Variants in ACOT12 observed in about 807,000 individuals in gnomAD.
ACOT12 encodes the protein acyl-CoA thioesterase 12.
In ACOT12, 51 loss-of-function variants were observed where a neutral mutation model predicts 67.7. The ratio of observed to expected loss-of-function variants is 0.75; its 90% CI spans 0.60 to 0.95. The LOEUF is 0.95. Ranked by LOEUF, ACOT12 falls within the 40% of genes least tolerant of loss-of-function variation. ACOT12 has a pLI of 0.00. For synonymous variants in ACOT12, 251 were observed against 244.6 expected (o/e 1.03, Z -0.24); for missense variants, 734 against 708.1 (o/e 1.04, Z -0.41).
chr5:81,358,323 C>T (rs1759787740), intron 5 of ACOT12, among the ~76,000 whole-genome samples: 2 of 152,138 alleles, frequency 1.3e-5, no homozygotes, highest in South Asian at 2.1e-4. Context: ...CATTTCATTT[C>T]TTCCTTGGGA....
At chr5:81,320,445 G>A in the ACOT12 span, among the ~76,000 whole-genome samples, 1 of 152,184 alleles carries the variant, frequency 6.6e-6, no homozygotes, top group Non-Finnish European at 1.5e-5. Flanking sequence ...TCTCCACTTT[G>A]GCATTGGGTG....
intron 3 of ACOT12, among the ~76,000 whole-genome samples, chr5:81,370,594 A>C (rs970847829): frequency 6.6e-6 from 1 of 152,232 alleles, no homozygotes; most frequent in Non-Finnish European, 1.5e-5. Context: ...CGGGTGATGC[A>C]GTGGAAGCCA....
intron 2 of ACOT12, among the ~76,000 whole-genome samples, chr5:81,380,884 T>G (rs1157581484): frequency 6.6e-6 from 1 of 152,080 alleles, no homozygotes; most frequent in Non-Finnish European, 1.5e-5. Context: ...CCCACACTAA[T>G]CTAGATGGTA....
At chr5:81,361,788 G>A (rs1759917170) in intron 4 of ACOT12, among the ~76,000 whole-genome samples, 1 of 152,204 alleles carries the variant, frequency 6.6e-6, no homozygotes, top group South Asian at 2.1e-4. Flanking sequence ...AGTCTTGCAA[G>A]TCCCTTCAAT....
At position 81,343,880 on chromosome 5, in the gene ACOT12, T is replaced by G; in HGVS notation, c.982A>C (p.Lys328Gln). ...TCTTCTTTGTGGGAAATAACATATT[T>G]TCTGGAAAAAAAAATTAAAGTGTTA... ...IARKRIRLGRKYVISHKEEVP... is the reference protein window; with the variant it reads ...IARKRIRLGRQYVISHKEEVP... The change falls in exon 10 of 15, where the codon AAA becomes CAA. Residue 328 changes from lysine to glutamine, a missense_variant and splice_region_variant. By Grantham distance (53) the Lys-to-Gln change is moderately conservative. Coordinates refer to ENST00000307624, the MANE Select transcript of ACOT12 (RefSeq NM_130767.3). 6.2e-7 allele frequency: 1 copy of G among 1,612,398 alleles called. No homozygotes were observed. The highest frequency in any genetic ancestry group is 8.5e-7 in the Non-Finnish European group (1 of 1,179,474).
chr5:81,385,444 G>C (rs1283643913), intron 2 of ACOT12, among the ~76,000 whole-genome samples: 1 of 152,130 alleles, frequency 6.6e-6, no homozygotes, highest in Non-Finnish European at 1.5e-5. Context: ...TCCAGTCTGG[G>C]CAGCAGAGTG....
chr5:81,333,063 TA>T (rs11343919), intron 12 of ACOT12, among the ~76,000 whole-genome samples: 27,842 of 131,030 alleles, frequency 0.21, 2,717 homozygotes, highest in African/African-American at 0.27. Flanking sequence ...AGTGAGATCT[TA>T]AAAAAAAAAA....
chr5:81,361,376 T>A (rs2153854664), intron 4 of ACOT12, among the ~76,000 whole-genome samples: 1 of 152,188 alleles, frequency 6.6e-6, no homozygotes, highest in East Asian at 1.9e-4. Context: ...TTTATATTTA[T>A]TTTTTGTAGA....
chr5:81,356,220 C>T (rs185801631), intron 5 of ACOT12, among the ~76,000 whole-genome samples: 6 of 152,360 alleles, frequency 3.9e-5, no homozygotes, highest in Admixed American at 3.9e-4. Flanking sequence ...TAACCCCACA[C>T]TTGCCGATGT....
the ACOT12 span, among the ~76,000 whole-genome samples, chr5:81,321,638 A>G: frequency 6.6e-6 from 1 of 152,248 alleles, no homozygotes. Context: ...TGAAATTTTA[A>G]TTTTAGGTCA....
At chr5:81,359,166 C>G (rs1759820112) in intron 5 of ACOT12, among the ~76,000 whole-genome samples, 1 of 152,196 alleles carries the variant, frequency 6.6e-6, no homozygotes, top group East Asian at 1.9e-4. Flanking sequence ...CTTCTGCCCT[C>G]TTGGCAGTGG....
chr5:81,339,447 C>T (rs926118019), intron 11 of ACOT12, among the ~76,000 whole-genome samples: 1 of 152,220 alleles, frequency 6.6e-6, no homozygotes, highest in African/African-American at 2.4e-5. Flanking sequence ...AAAAGTTACT[C>T]CTGTCAGGCC....
chr5:81,308,798 G>A, the ACOT12 span: 310 of 1,504,834 alleles, frequency 2.1e-4, no homozygotes, highest in African/African-American at 3.4e-3. Context: ...AATTTGTTAC[G>A]AGTGTGCCAC....
chr5:81,313,335 TATC>T, the ACOT12 span: 12 of 152,208 alleles, frequency 7.9e-5, no homozygotes, highest in Non-Finnish European at 1.3e-4. Context: ...AAAATTGAAA[TATC>T]TCAGTTTAAC....
At chr5:81,341,435 T>C (rs1339813260) in intron 11 of ACOT12, among the ~76,000 whole-genome samples, 2 of 152,254 alleles carry the variant, frequency 1.3e-5, no homozygotes, top group Non-Finnish European at 2.9e-5. Context: ...ATATAATTTA[T>C]CATCCAAACT....
intron 10 of ACOT12, 37 bp from the exon 11 acceptor site, chr5:81,342,792 T>C: frequency 6.3e-7 from 1 of 1,588,724 alleles, no homozygotes; most frequent in Non-Finnish European, 8.6e-7. Context: ...AGCTATGTGT[T>C]CAATACATGG....
chr5:81,320,972 T>A, the ACOT12 span, among the ~76,000 whole-genome samples: 1 of 152,192 alleles, frequency 6.6e-6, no homozygotes, highest in South Asian at 2.1e-4. Context: ...TAGTGCCTTC[T>A]TGGCCTGGCA....
the ACOT12 span, among the ~76,000 whole-genome samples, chr5:81,322,919 C>T: frequency 6.6e-6 from 1 of 151,980 alleles, no homozygotes; most frequent in East Asian, 1.9e-4. Context: ...CAATTATCTC[C>T]TTCACCTGGT....
chr5:81,375,411 C>T (rs961655877), intron 2 of ACOT12, among the ~76,000 whole-genome samples: 40 of 152,096 alleles, frequency 2.6e-4, no homozygotes, highest in Non-Finnish European at 8.8e-5. Context: ...AGACCATTGA[C>T]ACTATGAGGA....
Sources: allele counts gnomAD v4.1 joint callset (sites outside exome capture counted in the v4.1 genomes callset), GRCh38; gene constraint gnomAD v4.1.1; transcripts MANE v1.5; gene names NCBI Gene and HGNC (gene_info 2026-07-23, HGNC 2026-07-21).